CARD8: variants seen among roughly 807,000 people sequenced by gnomAD.
The protein encoded by CARD8 is caspase recruitment domain-containing protein 8.
Under a neutral mutation model 53.2 loss-of-function variants are expected in CARD8, and 38 were observed. That is an observed-to-expected ratio of 0.71 (90% CI 0.55 to 0.94). The LOEUF is 0.94. Among genes scored for constraint, CARD8 ranks in the 40% least tolerant of loss-of-function variants. CARD8 has a pLI of 0.00. For synonymous variants in CARD8, 245 were observed against 244.9 expected (o/e 1.00, Z 0.00); for missense variants, 561 against 655.5 (o/e 0.86, Z 1.57).
At chr19:48,237,959 C>T (rs1464939065) in intron 5 of CARD8, among the ~76,000 whole-genome samples, 2 of 151,834 alleles carry the variant, frequency 1.3e-5, no homozygotes, top group African/African-American at 2.4e-5. Flanking sequence ...TGCACGATCT[C>T]GGCTCACTGC....
At chr19:48,206,205 C>G (rs1328053788), downstream of CARD8, among the ~76,000 whole-genome samples, 2 of 152,070 alleles carry the variant, frequency 1.3e-5, no homozygotes, top group Non-Finnish European at 2.9e-5. Flanking sequence ...GCCAGTTGTT[C>G]TAGGATTTTT....
intron 1 of CARD8, among the ~76,000 whole-genome samples, chr19:48,253,243 G>A (rs2047163466): frequency 6.6e-6 from 1 of 152,088 alleles, no homozygotes; most frequent in Non-Finnish European, 1.5e-5. Flanking sequence ...GCATCACCAT[G>A]CCTGGCTAAT....
intron 3 of CARD8, among the ~76,000 whole-genome samples, chr19:48,246,435 A>T (rs1375207653): frequency 1.3e-5 from 2 of 152,196 alleles, no homozygotes; most frequent in African/African-American, 4.8e-5. Flanking sequence ...ATGTGTGTTT[A>T]CAGCTACTAA....
At chr19:48,241,851 C>G (rs8105702) in intron 3 of CARD8, among the ~76,000 whole-genome samples, 33,199 of 151,684 alleles carry the variant, frequency 0.22, 4,012 homozygotes, top group African/African-American at 0.33. Flanking sequence ...ATATAGTTCA[C>G]AAACCACACA....
In CARD8 at chr19:48,223,686, C is replaced by T. The variant is rs1398004264; in HGVS notation, c.1036-1831G>A. The stretch of plus-strand genomic sequence containing the variant: ...TATCACATTGCTAGGGTTATGATTA[C>T]GGACAGATTTCTGTAGGTGTTGAGA... On this transcript the variant is annotated intron_variant, in intron 10 of 13. Transcript: ENST00000651546. 13 of 350,766 alleles carry T rather than the reference C, an allele frequency of 3.7e-5. 1 individual carries two copies. Among genetic ancestry groups the T allele is most frequent in the East Asian group, 1.5e-4 (2 of 13,144 alleles). The allele number at this position is 350,766 out of a possible 1,614,324, so 21.7% of individuals were successfully genotyped here. A position where few individuals can be genotyped will look rare whatever the true frequency, so the allele number is the denominator to read the frequency against.
chr19:48,231,561 C>T (rs562596299), intron 8 of CARD8, 99 bp downstream of exon 8: 3 of 1,250,770 alleles, frequency 2.4e-6, no homozygotes, highest in Non-Finnish European at 3.3e-6. Context: ...CCTCCACCTC[C>T]CAAAGTGCCG....
chr19:48,211,881 A>C lies in CARD8; in HGVS notation c.1443T>G (p.Leu481=). The part of the protein sequence containing the change: ...VLDDLQDNEV[L]TENEKELVEQ... ...CCACCAGCTCCTTCTCATTCTCAGT[A>C]AGAACCTCATTGTCTTGGAGATCAT... The change falls in exon 14 of 14, where the codon CTT becomes CTG. Residue 481 remains leucine (L), a synonymous_variant. Transcript: ENST00000651546. 6.2e-7 allele frequency: 1 copy of C among 1,614,052 alleles called. No individual in the cohort carries two copies. The highest frequency in any genetic ancestry group is 1.3e-5 in the African/African-American group (1 of 75,000).
At chr19:48,250,459 C>A (rs1007442457) in intron 1 of CARD8, among the ~76,000 whole-genome samples, 30 of 152,228 alleles carry the variant, frequency 2.0e-4, no homozygotes, top group Admixed American at 1.9e-3. Context: ...AAGACCCCCC[C>A]TCTTCATGGC....
chr19:48,215,764 G>A (rs1396886688), intron 12 of CARD8, among the ~76,000 whole-genome samples: 2 of 152,184 alleles, frequency 1.3e-5, no homozygotes, highest in Non-Finnish European at 2.9e-5. Flanking sequence ...TACCAAGACT[G>A]TTGATGGTGC....
At chr19:48,249,350 G>A (rs1362356246) in intron 3 of CARD8, among the ~76,000 whole-genome samples, 173 bp downstream of exon 3, 1 of 152,146 alleles carries the variant, frequency 6.6e-6, no homozygotes, top group Non-Finnish European at 1.5e-5. Context: ...GACGTTTCTG[G>A]ATAGTGGCAA....
At chr19:48,215,254 T>C in intron 13 of CARD8, 86 bp downstream of exon 13, 1 of 943,182 alleles carries the variant, frequency 1.1e-6, no homozygotes, top group African/African-American at 1.6e-5. Flanking sequence ...TCTGGTGCCA[T>C]GTCACTTGGA....
At chr19:48,225,108 T>C (rs956928253) in intron 10 of CARD8, among the ~76,000 whole-genome samples, 1 of 148,448 alleles carries the variant, frequency 6.7e-6, no homozygotes, top group Non-Finnish European at 1.5e-5. Context: ...GCCCATGATA[T>C]AGAGTACACA....
chr19:48,252,257 T>C (rs750215934), intron 1 of CARD8, among the ~76,000 whole-genome samples: 3 of 152,046 alleles, frequency 2.0e-5, no homozygotes, highest in Non-Finnish European at 4.4e-5. Context: ...GAATTAGGGC[T>C]AGTTTGAATT....
At chr19:48,229,668 C>G (rs2146135894) in intron 10 of CARD8, among the ~76,000 whole-genome samples, 1 of 152,300 alleles carries the variant, frequency 6.6e-6, no homozygotes, top group South Asian at 2.1e-4. Flanking sequence ...CTACAGCAAC[C>G]AGCACGTCTG....
At chr19:48,207,734 G>GTTTTTTTTTTTTTTTTTTTTTTTTT (rs758903014), downstream of CARD8, among the ~76,000 whole-genome samples, 39 of 116,516 alleles carry the variant, frequency 3.3e-4, 1 homozygote, top group Admixed American at 4.4e-4. Flanking sequence ...TTGTTTTTCT[G>GTTTTTTTTTTTTTTTTTTTTTTTTT]TTTTTTTTTT....
chr19:48,207,730 T>TTGTTTGTTTG (rs1448964298), downstream of CARD8, among the ~76,000 whole-genome samples: 1 of 92,050 alleles, frequency 1.1e-5, no homozygotes, highest in African/African-American at 3.8e-5. Flanking sequence ...ATTGTTGTTT[T>TTGTTTGTTTG]TCTGTTTTTT....
chr19:48,214,444 G>C (rs539349169), intron 13 of CARD8, among the ~76,000 whole-genome samples: 2 of 152,316 alleles, frequency 1.3e-5, no homozygotes, highest in East Asian at 1.9e-4. Flanking sequence ...GTGGGCTCAA[G>C]AATGTGCATT....
Position 48,238,446 on chromosome 19 carries a change from C to T in CARD8, c.146G>A (p.Arg49Gln), listed in dbSNP as rs755449725. 13 of 1,536,030 alleles carry T rather than the reference C, an allele frequency of 8.5e-6. No individual in the cohort carries two copies. The highest frequency in any genetic ancestry group is 2.4e-5 in the East Asian group (1 of 40,934). ...SRKLLVDNSI[R>Q]ELQYTKTGIF... is the part of the protein sequence containing the mutation. Reference sequence around the variant, plus strand: ...TCCAGTTTTTGTGTATTGCAGTTCCCGTATGCTATTGTCAACCAACAGTTT... The same window carrying T: ...TCCAGTTTTTGTGTATTGCAGTTCCTGTATGCTATTGTCAACCAACAGTTT... The change falls in exon 5 of 14, where the codon CGG (arginine) becomes CAG (glutamine). Residue 49 changes from arginine (R) to glutamine (Q), a missense_variant. Arg to Gln is a conservative substitution (Grantham distance 43, BLOSUM62 1). Coordinates refer to ENST00000651546, the MANE Select transcript of CARD8 (RefSeq NM_001184900.3).
At chr19:48,253,375 G>A (rs150598342) in intron 1 of CARD8, among the ~76,000 whole-genome samples, 140 of 152,248 alleles carry the variant, frequency 9.2e-4, no homozygotes, top group African/African-American at 2.4e-3. Flanking sequence ...GTGAGCCACC[G>A]TGCCTGGCCA....
Sources: gnomAD v4.1 joint callset for allele counts (sites outside exome capture counted in the v4.1 genomes callset) on GRCh38, gnomAD v4.1.1 for gene constraint, MANE v1.5 for transcripts, NCBI Gene and HGNC (gene_info 2026-07-23, HGNC 2026-07-21) for gene names.